The following NRCAM variants were observed in gnomAD, a reference collection of about 807,000 sequenced individuals.
NRCAM encodes the protein NgCAM-related cell adhesion molecule.
In NRCAM, 83 loss-of-function variants were observed where a neutral mutation model predicts 156.5. The observed-to-expected ratio is 0.53, with a 90% CI of 0.44 to 0.64. The LOEUF (loss-of-function observed/expected upper bound fraction) is 0.64. Ranked by LOEUF, NRCAM falls within the 30% of genes least tolerant of loss-of-function variation. The pLI, the probability that NRCAM is intolerant of heterozygous loss-of-function variation, is 0.00. For synonymous variants in NRCAM, 538 were observed against 563.9 expected (o/e 0.95, Z 0.65); for missense variants, 1,417 against 1,597.3 (o/e 0.89, Z 1.92).
chr7:108,220,553 A>G (rs2091871494), intron 11 of NRCAM, among the ~76,000 whole-genome samples: 1 of 152,202 alleles, frequency 6.6e-6, no homozygotes, highest in South Asian at 2.1e-4. Flanking sequence ...AAATACTTAC[A>G]GCCAACTGAT....
At chr7:108,380,208 T>A (rs1007794878) in intron 2 of NRCAM, among the ~76,000 whole-genome samples, 1 of 152,182 alleles carries the variant, frequency 6.6e-6, no homozygotes, top group African/African-American at 2.4e-5. Context: ...TGAATAAATC[T>A]CATAAACATA....
intron 28 of NRCAM, among the ~76,000 whole-genome samples, chr7:108,173,358 CT>C (rs2152117815): frequency 6.6e-6 from 1 of 151,974 alleles, no homozygotes; most frequent in African/African-American, 2.4e-5. Context: ...CCCTATTGTC[CT>C]GATTTAAATA....
chr7:108,394,940 T>C (rs1303268781), intron 2 of NRCAM, among the ~76,000 whole-genome samples: 1 of 152,194 alleles, frequency 6.6e-6, no homozygotes, highest in Non-Finnish European at 1.5e-5. Flanking sequence ...CATTTTAAAA[T>C]AAGAACAATA....
chr7:108,236,488 G>A (rs989124916), intron 5 of NRCAM, among the ~76,000 whole-genome samples: 1 of 151,970 alleles, frequency 6.6e-6, no homozygotes, highest in South Asian at 2.1e-4. Flanking sequence ...AAGGTGGCCT[G>A]ATTGTTAAGC....
At chr7:108,425,514 C>A (rs1469463401) in intron 1 of NRCAM, among the ~76,000 whole-genome samples, 1 of 152,080 alleles carries the variant, frequency 6.6e-6, no homozygotes. Flanking sequence ...ATAGTGTGTC[C>A]ATTTTCCTCA....
At position 108,327,977 on chromosome 7, in the gene NRCAM, G is replaced by C. The variant is rs561816085; in HGVS notation, c.-173-15246C>G. On this transcript the variant is annotated intron_variant, in intron 2 of 32. Transcript: ENST00000379028. ...AATTGTCTTAAGGTAATATGAAAAT[G>C]GTCTGTGAGACTATTAAAAACAAAT... is the stretch of plus-strand genomic sequence containing the variant. 7.2e-5 allele frequency among the ~76,000 whole-genome samples: 11 copies of C among 152,196 alleles called. No individual in the cohort carries two copies. The South Asian group carries it at 2.3e-3, about 32-fold the overall frequency.
At chr7:108,155,087 CATATATATATAT>C (rs148453642) in intron 32 of NRCAM, among the ~76,000 whole-genome samples, 7 of 114,078 alleles carry the variant, frequency 6.1e-5, no homozygotes, top group African/African-American at 2.1e-4. Context: ...ATTTAAAAGT[CATATATATATAT>C]ATACACACAC....
chr7:108,221,950 A>T (rs1177932530), intron 11 of NRCAM, among the ~76,000 whole-genome samples: 2 of 151,852 alleles, frequency 1.3e-5, no homozygotes, highest in African/African-American at 4.8e-5. Context: ...AGCAAAAAAA[A>T]AAAAAGAAAT....
At chr7:108,333,544 T>C (rs1028838423) in intron 2 of NRCAM, among the ~76,000 whole-genome samples, 3 of 152,294 alleles carry the variant, frequency 2.0e-5, no homozygotes, top group African/African-American at 7.2e-5. Flanking sequence ...GTAAAATCTA[T>C]CACCTGTTCT....
At position 108,337,909 on chromosome 7, in the gene NRCAM, T is replaced by C. The variant is rs113005851; in HGVS notation, c.-173-25178A>G. Among the ~76,000 whole-genome samples, 871 of 152,314 alleles carry C rather than the reference T, an allele frequency of 5.7e-3. 9 individuals are homozygous for C. The highest frequency in any genetic ancestry group is 0.02 in the African/African-American group (830 of 41,572). On this transcript the variant is annotated intron_variant, in intron 2 of 32. Transcript: ENST00000379028. Reference sequence around the variant, plus strand: ...CACTTTCACTTGCTATTCTGTCCTATCCTTCCTTAGAATTGGAGGAAAATA... The same window carrying C: ...CACTTTCACTTGCTATTCTGTCCTACCCTTCCTTAGAATTGGAGGAAAATA...
intron 3 of NRCAM, among the ~76,000 whole-genome samples, chr7:108,257,019 AGAAAAAG>A (rs2096704170): frequency 8.1e-6 from 1 of 124,000 alleles, no homozygotes; most frequent in African/African-American, 3.5e-5. Flanking sequence ...AAAAAAAAAA[AGAAAAAG>A]AAAAAGAAAA....
intron 4 of NRCAM, among the ~76,000 whole-genome samples, chr7:108,238,608 G>A (rs1263029892): frequency 6.6e-6 from 1 of 152,146 alleles, no homozygotes; most frequent in Non-Finnish European, 1.5e-5. Context: ...CTGCTTGACA[G>A]ATTGAACAGT....
rs902294996 is a variant in NRCAM at position 108,194,081 on chromosome 7, G to A, written c.1721C>T (p.Thr574Ile). 2.9e-5 allele frequency: 47 copies of A among 1,614,008 alleles called. No individual in the cohort carries two copies. The Admixed American group carries it at 7.8e-4, about 27-fold the overall frequency. ...SFECKVKHDHTLSLTVLWLKD... is the reference protein window; with the variant it reads ...SFECKVKHDHILSLTVLWLKD... ...CAGCCACAGGACAGTGAGGGATAAG[G>A]TGTGATCATGTTTCACTTTGCATTC... Residue 574 changes from threonine to isoleucine, a missense_variant, in exon 17 of 33, where the codon ACC becomes ATC. This residue lies in a region of NRCAM where 1,238 missense variants were observed against 1,336.4 expected (regional missense o/e 0.93). Transcript: ENST00000379028.
At chr7:108,382,222 A>ATT (rs71137626) in intron 2 of NRCAM, among the ~76,000 whole-genome samples, 18,935 of 145,844 alleles carry the variant, frequency 0.13, 1,819 homozygotes, top group African/African-American at 0.27. Context: ...AGGAACAGAG[A>ATT]TTTTTTTTTT....
intron 1 of NRCAM, among the ~76,000 whole-genome samples, chr7:108,425,651 A>C (rs896420555): frequency 6.6e-6 from 1 of 152,246 alleles, no homozygotes; most frequent in African/African-American, 2.4e-5. Flanking sequence ...AACAGATCCA[A>C]ATTCAAGGTT....
At chr7:108,350,890 T>C (rs2099407483) in intron 2 of NRCAM, among the ~76,000 whole-genome samples, 1 of 152,222 alleles carries the variant, frequency 6.6e-6, no homozygotes, top group South Asian at 2.1e-4. Flanking sequence ...TACTTGTTGA[T>C]TGGGATCCCC....
At chr7:108,215,380 T>G (rs2087608532) in intron 11 of NRCAM, among the ~76,000 whole-genome samples, 1 of 151,828 alleles carries the variant, frequency 6.6e-6, no homozygotes, top group Admixed American at 6.6e-5. Flanking sequence ...GCCTAGCTAA[T>G]TTTTTGTATT....
At chr7:108,337,845 AGC>A (rs1232753380) in intron 2 of NRCAM, among the ~76,000 whole-genome samples, 1 of 152,200 alleles carries the variant, frequency 6.6e-6, no homozygotes, top group African/African-American at 2.4e-5. Flanking sequence ...AGTAACATTT[AGC>A]GACCACGAAG....
chr7:108,369,081 T>C, intron 2 of NRCAM, among the ~76,000 whole-genome samples: 1 of 152,134 alleles, frequency 6.6e-6, no homozygotes, highest in East Asian at 1.9e-4. Context: ...TGAAGATTTT[T>C]CAATAAAAAC....
Sources: allele counts gnomAD v4.1 joint callset (sites outside exome capture counted in the v4.1 genomes callset), GRCh38; gene constraint gnomAD v4.1.1; regional missense constraint gnomAD v4.1.1; transcripts MANE v1.5; gene names NCBI Gene and HGNC (gene_info 2026-07-23, HGNC 2026-07-21).